LUZP2: variants seen among roughly 807,000 people sequenced by gnomAD.
LUZP2 encodes the protein leucine zipper protein 2.
A neutral mutation model predicts 51.6 loss-of-function variants in LUZP2; 52 were observed. That is an observed-to-expected ratio of 1.01 (90% CI 0.81 to 1.27). The LOEUF (loss-of-function observed/expected upper bound fraction) is 1.27. LUZP2 is among the 50% of genes most tolerant of loss of function. The pLI is 0.00. For synonymous variants in LUZP2, 154 were observed against 137.3 expected (o/e 1.12, Z -0.85); for missense variants, 436 against 395.4 (o/e 1.10, Z -0.87).
chr11:24,887,218 T>C (rs953570496), intron 5 of LUZP2, among the ~76,000 whole-genome samples: 2 of 125,720 alleles, frequency 1.6e-5, no homozygotes, highest in Non-Finnish European at 3.4e-5. Context: ...TTTTGTTTTG[T>C]TTTCAGATGG....
chr11:25,018,015 C>T (rs141293576), intron 9 of LUZP2, among the ~76,000 whole-genome samples: 1,992 of 138,958 alleles, frequency 0.014, 25 homozygotes, highest in Non-Finnish European at 0.022. Flanking sequence ...AAGTATATCC[C>T]TAGGTAGGAT....
intron 1 of LUZP2, among the ~76,000 whole-genome samples, chr11:24,671,565 C>T (rs1210890327): frequency 7.2e-6 from 1 of 139,672 alleles, no homozygotes; most frequent in Non-Finnish European, 1.5e-5. Flanking sequence ...CTGTCTTACA[C>T]ACACACACAC....
At chr11:24,723,258 T>C (rs901991507) in intron 1 of LUZP2, among the ~76,000 whole-genome samples, 4 of 152,184 alleles carry the variant, frequency 2.6e-5, no homozygotes, top group African/African-American at 9.6e-5. Flanking sequence ...ATGAAGCAAC[T>C]GGAATTCTCT....
intron 1 of LUZP2, among the ~76,000 whole-genome samples, chr11:24,654,560 T>G (rs1298674707): frequency 6.6e-6 from 1 of 152,014 alleles, no homozygotes; most frequent in Non-Finnish European, 1.5e-5. Flanking sequence ...TGGAGCACAG[T>G]GGCGCGATCT....
At chr11:24,902,143 T>A (rs553279035) in intron 5 of LUZP2, among the ~76,000 whole-genome samples, 3 of 152,158 alleles carry the variant, frequency 2.0e-5, no homozygotes, top group Admixed American at 6.6e-5. Flanking sequence ...TCAAAACATC[T>A]AATAATAGTA....
chr11:24,722,153 A>G (rs1333551687), intron 1 of LUZP2, among the ~76,000 whole-genome samples: 1 of 152,234 alleles, frequency 6.6e-6, no homozygotes, highest in African/African-American at 2.4e-5. Flanking sequence ...GGCTTCCAGA[A>G]AATATAGTAA....
chr11:24,655,675 C>G (rs995297326), intron 1 of LUZP2, among the ~76,000 whole-genome samples: 14 of 152,236 alleles, frequency 9.2e-5, no homozygotes, highest in African/African-American at 2.9e-4. Flanking sequence ...AAAACAAATG[C>G]GTGGTCTGAA....
intron 9 of LUZP2, among the ~76,000 whole-genome samples, chr11:25,035,841 T>C (rs939709803): frequency 2.6e-5 from 4 of 152,102 alleles, no homozygotes; most frequent in Non-Finnish European, 4.4e-5. Flanking sequence ...TATATTTACT[T>C]TTTTATCTGC....
At chr11:24,803,561 A>C (rs2134120865) in intron 5 of LUZP2, among the ~76,000 whole-genome samples, 1 of 152,230 alleles carries the variant, frequency 6.6e-6, no homozygotes, top group Admixed American at 6.5e-5. Context: ...CACAGCAGCT[A>C]AAATGGGAAA....
intron 7 of LUZP2, among the ~76,000 whole-genome samples, chr11:24,926,651 G>A (rs1000303255): frequency 8.1e-6 from 1 of 124,112 alleles, no homozygotes; most frequent in South Asian, 2.5e-4. Flanking sequence ...ATATATATAT[G>A]TGTGTGTATA....
In LUZP2 at chr11:25,050,083, T is replaced by G; in HGVS notation, c.811T>G (p.Ser271Ala). 6.3e-7 allele frequency: 1 copy of G among 1,599,412 alleles called. No individual in the cohort carries two copies. Among genetic ancestry groups the G allele is most frequent in the Non-Finnish European group, 8.5e-7 (1 of 1,172,632 alleles). ...AAACAATGAGAGCTCTCAAGTTGAGTCAACAAAGGAAGGAAATCCAAGTAC... is the reference window on the plus strand; with the variant it reads ...AAACAATGAGAGCTCTCAAGTTGAGGCAACAAAGGAAGGAAATCCAAGTAC... ...SGNNESSQVE[S>A]TKEGNPSTTA... The change falls in exon 10 of 12, where the codon TCA (serine) becomes GCA (alanine). Residue 271 changes from serine to alanine, a missense_variant. Physicochemically the swap from Ser to Ala is moderately conservative, Grantham distance 99. Coordinates refer to ENST00000336930, the MANE Select transcript of LUZP2 (RefSeq NM_001009909.4).
At position 24,521,587 on chromosome 11, in the gene LUZP2, T is replaced by G. The variant is rs1400804432; in HGVS notation, c.62+24282T>G. 2.6e-5 allele frequency among the ~76,000 whole-genome samples: 4 copies of G among 152,242 alleles called. No homozygotes were observed. The East Asian group carries it at 5.8e-4, about 22-fold the overall frequency. On this transcript the variant is annotated intron_variant, in intron 1 of 11. Transcript: ENST00000336930. Reference sequence around the variant, plus strand: ...CCTACTTCATGAGTCAATATATCATTGCCCACCTTACTTTTCACAGGGTAA... The same window carrying G: ...CCTACTTCATGAGTCAATATATCATGGCCCACCTTACTTTTCACAGGGTAA...
chr11:24,565,416 A>T (rs1042368408), intron 1 of LUZP2, among the ~76,000 whole-genome samples: 5 of 152,184 alleles, frequency 3.3e-5, no homozygotes, highest in African/African-American at 1.2e-4. Flanking sequence ...AAGGGACGTG[A>T]AGGTAAATAT....
rs1023774165 is a variant in LUZP2, at chr11:24,906,367, CT to C, written c.459+324del. On this transcript the variant is annotated intron_variant, in intron 6 of 11. Coordinates refer to ENST00000336930, the MANE Select transcript of LUZP2 (RefSeq NM_001009909.4). ...AATTACTGGGAGTCCATAAAATTTC[CT>C]TTTTTTTTTCCCCTCTCTTGTACTT... 3.5e-4 allele frequency among the ~76,000 whole-genome samples: 51 copies of C among 147,314 alleles called. 1 individual carries two copies. Among genetic ancestry groups the C allele is most frequent in the African/African-American group, 6.0e-4 (24 of 40,136 alleles).
chr11:24,519,125 A>G (rs1195460249), intron 1 of LUZP2, among the ~76,000 whole-genome samples: 2 of 152,188 alleles, frequency 1.3e-5, no homozygotes, highest in Non-Finnish European at 2.9e-5. Context: ...CTCAGGATTC[A>G]TGTTGAGGGA....
chr11:25,002,024 A>G (rs980814683), intron 9 of LUZP2, among the ~76,000 whole-genome samples: 10 of 152,194 alleles, frequency 6.6e-5, no homozygotes, highest in South Asian at 2.1e-4. Flanking sequence ...GTGGTATTTA[A>G]TGGGGGTTCC....
intron 1 of LUZP2, among the ~76,000 whole-genome samples, chr11:24,535,558 C>T (rs540727349): frequency 6.6e-6 from 1 of 151,670 alleles, no homozygotes; most frequent in African/African-American, 2.4e-5. Context: ...ATATCAGAAG[C>T]AACTCTTCAT....
At chr11:24,697,237 T>C (rs1348274824) in intron 1 of LUZP2, among the ~76,000 whole-genome samples, 1 of 152,174 alleles carries the variant, frequency 6.6e-6, no homozygotes, top group Non-Finnish European at 1.5e-5. Context: ...AGTGTCATTA[T>C]TGTAAGCAGA....
chr11:25,065,897 G>A (rs960490820), intron 10 of LUZP2, among the ~76,000 whole-genome samples: 2 of 151,926 alleles, frequency 1.3e-5, no homozygotes, highest in Non-Finnish European at 2.9e-5. Flanking sequence ...TGATGACTAC[G>A]TTCTATGACA....
Sources: allele counts gnomAD v4.1 joint callset (sites outside exome capture counted in the v4.1 genomes callset), GRCh38; gene constraint gnomAD v4.1.1; transcripts MANE v1.5; gene names NCBI Gene and HGNC (gene_info 2026-07-23, HGNC 2026-07-21).